Variants in GRIK3 observed in about 807,000 individuals in gnomAD.
GRIK3 encodes glutamate ionotropic receptor kainate type subunit 3, also known as glutamate receptor ionotropic, kainate 3.
Under a neutral mutation model 102.5 loss-of-function variants are expected in GRIK3, and 29 were observed. The ratio of observed to expected loss-of-function variants is 0.28; its 90% CI spans 0.21 to 0.39. The LOEUF is 0.39. GRIK3 is among the 10% of genes least tolerant of loss of function. The pLI, the probability that GRIK3 is intolerant of heterozygous loss-of-function variation, is 1.00. For missense variants in GRIK3, 908 were observed against 1,252.4 expected, an observed-to-expected ratio of 0.73 and a Z score of 4.15; for synonymous variants, 511 against 504.9, an observed-to-expected ratio of 1.01 and a Z score of -0.16.
At chr1:36,833,577 G>T (rs938062787) in intron 10 of GRIK3, among the ~76,000 whole-genome samples, 1 of 152,234 alleles carries the variant, frequency 6.6e-6, no homozygotes, top group Non-Finnish European at 1.5e-5. Flanking sequence ...GGGGCAATGG[G>T]ATTGGGCGGA....
intron 15 of GRIK3, among the ~76,000 whole-genome samples, chr1:36,802,335 G>A (rs1222705348): frequency 6.6e-6 from 1 of 152,108 alleles, no homozygotes; most frequent in African/African-American, 2.4e-5. Flanking sequence ...AACGTCTGAG[G>A]AGCTCTGGTT....
At chr1:37,011,682 C>T (rs1440170293) in intron 1 of GRIK3, among the ~76,000 whole-genome samples, 2 of 152,132 alleles carry the variant, frequency 1.3e-5, no homozygotes, top group Non-Finnish European at 2.9e-5. Flanking sequence ...TGGTAAGGAT[C>T]CATTAAGATT....
chr1:36,909,144 C>T (rs758479034), intron 1 of GRIK3, among the ~76,000 whole-genome samples: 12 of 152,164 alleles, frequency 7.9e-5, no homozygotes, highest in African/African-American at 1.4e-4. Flanking sequence ...AAGCCAGTGA[C>T]GTGCTGCAGC....
At chr1:36,920,485 C>G (rs1350564065) in intron 1 of GRIK3, among the ~76,000 whole-genome samples, 2 of 152,128 alleles carry the variant, frequency 1.3e-5, no homozygotes, top group Non-Finnish European at 1.5e-5. Flanking sequence ...CCCCCAGAAG[C>G]CACCGTCTGC....
At position 36,844,586 on chromosome 1, in the gene GRIK3, G is replaced by T. The variant is rs576463300; in HGVS notation, c.1327-2647C>A. On this transcript the variant is annotated intron_variant, in intron 9 of 15. Coordinates refer to ENST00000373091, the MANE Select transcript of GRIK3 (RefSeq NM_000831.4). ...AGAGAAGGTACCATCTTTCCCAGAGGATCCACCAACCACACACAGAATCCT... is the reference window on the plus strand; with the variant it reads ...AGAGAAGGTACCATCTTTCCCAGAGTATCCACCAACCACACACAGAATCCT... 3.3e-5 allele frequency among the ~76,000 whole-genome samples: 5 copies of T among 152,266 alleles called. No individual in the cohort carries two copies. The East Asian group carries it at 9.7e-4, about 29-fold the overall frequency.
At chr1:36,812,083 A>G (rs929080963) in intron 13 of GRIK3, among the ~76,000 whole-genome samples, 3 of 152,020 alleles carry the variant, frequency 2.0e-5, no homozygotes, top group Admixed American at 6.5e-5. Context: ...ACTGTATGTG[A>G]GAGAGGCCAG....
At chr1:37,003,983 C>T (rs562240914) in intron 1 of GRIK3, among the ~76,000 whole-genome samples, 56 of 152,204 alleles carry the variant, frequency 3.7e-4, no homozygotes, top group Middle Eastern at 3.4e-3. Flanking sequence ...AGCCCCAAAA[C>T]GAACTTGAGG....
At position 36,880,948 on chromosome 1, in the gene GRIK3, C is replaced by T; in HGVS notation, c.293-57G>A. The T allele has an allele frequency of 6.6e-7, 1 of 1,523,330 alleles. No individual in the cohort carries two copies. Among genetic ancestry groups the T allele is most frequent in the Non-Finnish European group, 8.9e-7 (1 of 1,128,176 alleles). The allele number at this position is 1,523,330 out of a possible 1,614,324, so 94.4% of individuals were successfully genotyped here. A position where few individuals can be genotyped will look rare whatever the true frequency, so the allele number is the denominator to read the frequency against. ...AGCACTGGGGCTGTGGGTATGGGGA[C>T]AGTGATGCTGATGATCCTGTAAACA... On this transcript the variant is annotated intron_variant, in intron 2 of 15. Coordinates refer to ENST00000373091, the MANE Select transcript of GRIK3 (RefSeq NM_000831.4). The surrounding 1 kb of genome is among the most constrained non-coding windows in gnomAD (Gnocchi z 5.4).
intron 9 of GRIK3, among the ~76,000 whole-genome samples, chr1:36,848,636 A>G (rs1023087142): frequency 2.0e-5 from 3 of 150,620 alleles, no homozygotes; most frequent in African/African-American, 7.3e-5. Context: ...TTTCCTTTTA[A>G]CCTTTTTATT....
At chr1:36,842,965 C>T (rs546229525) in intron 9 of GRIK3, among the ~76,000 whole-genome samples, 8 of 152,256 alleles carry the variant, frequency 5.3e-5, no homozygotes, top group Admixed American at 5.2e-4. Context: ...TCAGAGATGC[C>T]TGTCCCATGC....
intron 1 of GRIK3, among the ~76,000 whole-genome samples, chr1:36,891,568 G>A (rs1641117439): frequency 6.6e-6 from 1 of 152,138 alleles, no homozygotes; most frequent in African/African-American, 2.4e-5. Flanking sequence ...ATCTATTGCT[G>A]TTAAGAATGC....
In GRIK3 at chr1:37,021,127, T is replaced by TGAGAGAGA. The variant is rs5773568; in HGVS notation, c.115+12859_115+12866dup. Among the ~76,000 whole-genome samples the TGAGAGAGA allele has an allele frequency of 2.5e-3, 362 of 145,296 alleles. 1 individual carries two copies. Among genetic ancestry groups the TGAGAGAGA allele is most frequent in the African/African-American group, 4.6e-3 (181 of 39,360 alleles). ...GTGTGTGTGTGTGTGTGTGTGTCTG[T>TGAGAGAGA]GAGAGAGAGAGAGAGAGAGAGAGAG... is the stretch of plus-strand genomic sequence containing the variant. On this transcript the variant is annotated intron_variant, in intron 1 of 15. Coordinates refer to ENST00000373091, the MANE Select transcript of GRIK3 (RefSeq NM_000831.4).
chr1:36,818,247 G>A (rs1469626497), intron 12 of GRIK3, among the ~76,000 whole-genome samples: 1 of 152,208 alleles, frequency 6.6e-6, no homozygotes, highest in Non-Finnish European at 1.5e-5. Flanking sequence ...GCAGGAGGTG[G>A]AAGAGGAGAA....
At chr1:36,931,250 G>A (rs1238333092) in intron 1 of GRIK3, among the ~76,000 whole-genome samples, 1 of 152,152 alleles carries the variant, frequency 6.6e-6, no homozygotes, top group Non-Finnish European at 1.5e-5. Context: ...GAACATGACT[G>A]AATAGAAGTA....
intron 9 of GRIK3, among the ~76,000 whole-genome samples, chr1:36,843,470 G>A (rs1640485229): frequency 6.6e-6 from 1 of 152,212 alleles, no homozygotes; most frequent in African/African-American, 2.4e-5. Context: ...CTCAGAGAAG[G>A]TCAGTAAGTT....
intron 9 of GRIK3, among the ~76,000 whole-genome samples, chr1:36,844,306 G>T (rs768979087): frequency 6.6e-6 from 1 of 152,202 alleles, no homozygotes; most frequent in Non-Finnish European, 1.5e-5. Flanking sequence ...TCTCTCACTC[G>T]CCTTCCAACC....
rs761088719 is a variant in GRIK3 at position 36,817,053 on chromosome 1, G to A, written c.2091+7C>T. The stretch of plus-strand genomic sequence containing the variant: ...ACGGTGCTGCAATAGGAGGGAGAGG[G>A]CCTCACCTTGAAGAAGGTCATGGTG... On this transcript the variant is annotated splice_region_variant and intron_variant, in intron 13 of 15. Coordinates refer to ENST00000373091, the MANE Select transcript of GRIK3 (RefSeq NM_000831.4). 2.5e-6 allele frequency: 4 copies of A among 1,597,686 alleles called. No individual in the cohort carries two copies. The African/African-American group carries it at 5.4e-5, about 21-fold the overall frequency.
chr1:37,033,459 A>G (rs1321934847), intron 1 of GRIK3, among the ~76,000 whole-genome samples: 2 of 151,452 alleles, frequency 1.3e-5, no homozygotes, highest in African/African-American at 4.9e-5. Context: ...AACCGGTACC[A>G]CCGAGGCCAA....
At chr1:36,915,967 A>C (rs1227219709) in intron 1 of GRIK3, among the ~76,000 whole-genome samples, 1 of 152,164 alleles carries the variant, frequency 6.6e-6, no homozygotes, top group African/African-American at 2.4e-5. Context: ...GGTTGGAAAA[A>C]TTTGGAGGGC....
Sources: gnomAD v4.1 joint callset for allele counts (sites outside exome capture counted in the v4.1 genomes callset) on GRCh38, gnomAD v4.1.1 for gene constraint, Gnocchi (gnomAD v3.1) non-coding constraint, MANE v1.5 for transcripts, NCBI Gene and HGNC (gene_info 2026-07-23, HGNC 2026-07-21) for gene names.